Variants in RAB2A observed in about 807,000 individuals in gnomAD.
RAB2A encodes RAB2A, member RAS oncogene family, also known as ras-related protein Rab-2A.
Under a neutral mutation model 32.5 loss-of-function variants are expected in RAB2A, and 7 were observed. The ratio of observed to expected loss-of-function variants is 0.22; its 90% CI spans 0.12 to 0.40. The LOEUF (loss-of-function observed/expected upper bound fraction) is 0.40. Ranked by LOEUF, RAB2A falls within the 10% of genes least tolerant of loss-of-function variation. The pLI is 1.00. For missense variants in RAB2A, 108 were observed against 260.7 expected, an observed-to-expected ratio of 0.41 and a Z score of 4.03; for synonymous variants, 79 against 85.2, an observed-to-expected ratio of 0.93 and a Z score of 0.40.
At chr8:60,546,133 A>T (rs1000258660) in intron 1 of RAB2A, among the ~76,000 whole-genome samples, 9 of 152,246 alleles carry the variant, frequency 5.9e-5, no homozygotes, top group Non-Finnish European at 1.3e-4. Context: ...TAAGGGAAAG[A>T]TCACATCCAG....
intron 6 of RAB2A, among the ~76,000 whole-genome samples, chr8:60,597,216 G>T (rs187053093): frequency 6.6e-6 from 1 of 152,274 alleles, no homozygotes; most frequent in East Asian, 1.9e-4. Context: ...TGATAGACTG[G>T]ATAAAGAAAA....
chr8:60,605,584 C>CT (rs1171232272), intron 6 of RAB2A, among the ~76,000 whole-genome samples: 1 of 152,172 alleles, frequency 6.6e-6, no homozygotes, highest in Non-Finnish European at 1.5e-5. Context: ...TGCCCAAGGC[C>CT]TTGGGAGCAC....
chr8:60,566,730 A>G (rs1489533996), intron 2 of RAB2A, among the ~76,000 whole-genome samples: 5 of 152,176 alleles, frequency 3.3e-5, no homozygotes, highest in South Asian at 2.1e-4. Flanking sequence ...GTGGTTCTCA[A>G]TAGGTAACTT....
intron 1 of RAB2A, among the ~76,000 whole-genome samples, chr8:60,537,010 T>C (rs762979905): frequency 5.3e-5 from 8 of 152,198 alleles, no homozygotes; most frequent in Non-Finnish European, 1.0e-4. Context: ...CCCAGTTTAT[T>C]TATTTTACCA....
intron 3 of RAB2A, among the ~76,000 whole-genome samples, chr8:60,580,168 T>C (rs954928474): frequency 4.0e-5 from 6 of 151,822 alleles, no homozygotes; most frequent in Non-Finnish European, 5.9e-5. Context: ...GGCTAATTTT[T>C]GTATTTTTTA....
At chr8:60,565,960 G>A (rs537959374) in intron 2 of RAB2A, among the ~76,000 whole-genome samples, 3 of 152,052 alleles carry the variant, frequency 2.0e-5, no homozygotes, top group East Asian at 1.9e-4. Context: ...TGATCCACCC[G>A]CCTCGGCCTC....
chr8:60,581,627 A>G (rs2130847079), intron 3 of RAB2A, among the ~76,000 whole-genome samples: 1 of 152,360 alleles, frequency 6.6e-6, no homozygotes, highest in Admixed American at 6.5e-5. Flanking sequence ...TAGGATTTAC[A>G]GTGAAATTAA....
At chr8:60,597,586 A>T (rs190498965) in intron 6 of RAB2A, among the ~76,000 whole-genome samples, 95 of 152,282 alleles carry the variant, frequency 6.2e-4, no homozygotes, top group African/African-American at 2.1e-3. Context: ...AGTATAATTT[A>T]AAAAAACAAA....
intron 1 of RAB2A, among the ~76,000 whole-genome samples, chr8:60,525,186 G>C (rs1807360141): frequency 6.6e-6 from 1 of 152,198 alleles, no homozygotes; most frequent in Non-Finnish European, 1.5e-5. Flanking sequence ...CGTGTTGAGG[G>C]AGGGATCCCA....
intron 6 of RAB2A, among the ~76,000 whole-genome samples, chr8:60,609,298 C>G (rs1283680139): frequency 6.6e-6 from 1 of 152,218 alleles, no homozygotes; most frequent in Non-Finnish European, 1.5e-5. Context: ...GGAATGTGTT[C>G]CATGACACCA....
chr8:60,557,883 G>A, intron 1 of RAB2A, among the ~76,000 whole-genome samples: 1 of 152,040 alleles, frequency 6.6e-6, no homozygotes, highest in East Asian at 1.9e-4. Flanking sequence ...CTTTCTCATA[G>A]CATTCTATTT....
Position 60,591,979 on chromosome 8 carries a change from A to G in RAB2A, c.474+10A>G. On this transcript the variant is annotated intron_variant, in intron 6 of 7. Coordinates refer to ENST00000262646, the MANE Select transcript of RAB2A (RefSeq NM_002865.3). ...TTCCAATGTAGAAGAGGTAAATAAG[A>G]GGCCCTTTAAAATCTTCATCTTTAT... The G allele has an allele frequency of 1.3e-6, 2 of 1,495,974 alleles. No homozygotes were observed. The highest frequency in any genetic ancestry group is 2.8e-5 in the African/African-American group (2 of 71,556). 92.7% of individuals were successfully genotyped at this position (1,495,974 alleles called of 1,614,324 possible).
At chr8:60,558,944 G>A (rs766723494) in intron 2 of RAB2A, 21 bp downstream of exon 2, 4 of 1,569,474 alleles carry the variant, frequency 2.5e-6, no homozygotes, top group Admixed American at 1.7e-5. Flanking sequence ...TAAAAGGGAT[G>A]AGAAGCACTA....
chr8:60,560,444 G>C (rs1563470144), intron 2 of RAB2A, among the ~76,000 whole-genome samples: 2 of 152,150 alleles, frequency 1.3e-5, no homozygotes, highest in African/African-American at 4.8e-5. Context: ...TGCTTAATAG[G>C]TTTGAAACTA....
intron 1 of RAB2A, among the ~76,000 whole-genome samples, chr8:60,527,607 A>G (rs1244111489): frequency 1.3e-5 from 2 of 152,232 alleles, no homozygotes; most frequent in Non-Finnish European, 2.9e-5. Flanking sequence ...GCCAAACCAT[A>G]TCAGGACATT....
At chr8:60,548,614 C>T (rs1409232863) in intron 1 of RAB2A, among the ~76,000 whole-genome samples, 1 of 145,370 alleles carries the variant, frequency 6.9e-6, no homozygotes, top group African/African-American at 2.6e-5. Flanking sequence ...CCTCACTTCC[C>T]GGATGGGGCG....
intron 1 of RAB2A, among the ~76,000 whole-genome samples, chr8:60,542,247 G>C (rs1482322136): frequency 6.6e-6 from 1 of 152,170 alleles, no homozygotes; most frequent in Non-Finnish European, 1.5e-5. Context: ...TGGGTGCAGT[G>C]GCTCATGCCT....
chr8:60,605,836 T>TAC (rs1804220865), intron 6 of RAB2A, among the ~76,000 whole-genome samples: 1 of 141,476 alleles, frequency 7.1e-6, no homozygotes, highest in African/African-American at 2.9e-5. Flanking sequence ...CTAATACATA[T>TAC]ATACATATAT....
intron 6 of RAB2A, among the ~76,000 whole-genome samples, chr8:60,608,954 T>C (rs765098194): frequency 2.6e-5 from 4 of 152,232 alleles, no homozygotes; most frequent in Non-Finnish European, 5.9e-5. Flanking sequence ...TCTTCTGTCA[T>C]AATTGTATCC....
Sources: gnomAD v4.1 joint callset for allele counts (sites outside exome capture counted in the v4.1 genomes callset) on GRCh38, gnomAD v4.1.1 for gene constraint, MANE v1.5 for transcripts, NCBI Gene and HGNC (gene_info 2026-07-23, HGNC 2026-07-21) for gene names.